PFKP: variants seen among roughly 807,000 people sequenced by gnomAD.
PFKP encodes the protein ATP-dependent 6-phosphofructokinase, platelet type.
Under a neutral mutation model 94.3 loss-of-function variants are expected in PFKP, and 101 were observed. That is an observed-to-expected ratio of 1.07 (90% CI 0.91 to 1.26). The LOEUF (loss-of-function observed/expected upper bound fraction) is 1.26, where lower values mean the gene tolerates loss of function less well. Ranked by LOEUF, PFKP falls within the 50% of genes most tolerant of loss-of-function variation. The pLI, the probability that PFKP is intolerant of heterozygous loss-of-function variation, is 0.00. For missense variants in PFKP, 1,145 were observed against 1,103.3 expected, an observed-to-expected ratio of 1.04 and a Z score of -0.53; for synonymous variants, 573 against 432.6, an observed-to-expected ratio of 1.32 and a Z score of -4.03.
intron 7 of PFKP, 115 bp downstream of exon 7, chr10:3,105,616 T>A: frequency 2.8e-6 from 2 of 716,154 alleles, no homozygotes; most frequent in Non-Finnish European, 5.0e-6. Context: ...GTCTCCAGTT[T>A]GTCACACTTT....
chr10:3,106,211 A>G (rs61835146), intron 7 of PFKP, among the ~76,000 whole-genome samples: 40,401 of 142,372 alleles, frequency 0.28, 7,584 homozygotes, highest in Non-Finnish European at 0.38. Context: ...GGCAGAAAGC[A>G]TGGCGTGCAC....
chr10:3,098,009 AAAAAT>A lies in PFKP; in HGVS notation c.187-1252_187-1248del, dbSNP rs567216011. ...GGGCAACAGAGCAAGACTCTGTCTCAAAAATAAAATAAAATAAACACACATATATA... is the reference window on the plus strand; with the variant it reads ...GGGCAACAGAGCAAGACTCTGTCTCAAAAATAAAATAAACACACATATATA... On this transcript the variant is annotated intron_variant, in intron 2 of 21. Coordinates refer to ENST00000381125, the MANE Select transcript of PFKP (RefSeq NM_002627.5). Among the ~76,000 whole-genome samples the A allele has an allele frequency of 5.9e-3, 893 of 151,766 alleles. 11 individuals are homozygous for A. Among genetic ancestry groups the A allele is most frequent in the African/African-American group, 0.019 (798 of 41,004 alleles).
chr10:3,083,379 T>A (rs1833239247), intron 2 of PFKP, among the ~76,000 whole-genome samples: 1 of 148,350 alleles, frequency 6.7e-6, no homozygotes, highest in Admixed American at 6.8e-5. Flanking sequence ...TTTCAGAAAT[T>A]ATTAGGAAAA....
At chr10:3,076,038 A>T (rs1832560726) in intron 1 of PFKP, among the ~76,000 whole-genome samples, 2 of 140,748 alleles carry the variant, frequency 1.4e-5, no homozygotes. Flanking sequence ...AAAAAAAAAA[A>T]AAGTAAAAAC....
intron 1 of PFKP, among the ~76,000 whole-genome samples, chr10:3,080,654 G>GCT (rs1832997918): frequency 6.6e-6 from 1 of 152,060 alleles, no homozygotes; most frequent in Non-Finnish European, 1.5e-5. Flanking sequence ...CCCATACCCA[G>GCT]CTCTCCAACG....
In PFKP at chr10:3,069,547, C is replaced by T. The variant is rs542300234; in HGVS notation, c.112+1840C>T. Among the ~76,000 whole-genome samples, 80 of 152,150 alleles carry T rather than the reference C, an allele frequency of 5.3e-4. 1 individual carries two copies. The highest frequency in any genetic ancestry group is 2.7e-3 in the Admixed American group (42 of 15,292). On this transcript the variant is annotated intron_variant, in intron 1 of 21. Coordinates refer to ENST00000381125, the MANE Select transcript of PFKP (RefSeq NM_002627.5). ...AGAGGAACTGATCTCTGGAAGCCAC[C>T]AGGGCGGGTGGAAAGTCAGGGTTTC...
intron 1 of PFKP, chr10:3,070,174 A>T (rs975639560): frequency 6.6e-6 from 1 of 152,238 alleles, no homozygotes; most frequent in African/African-American, 2.4e-5. Context: ...ATTTTTTTGT[A>T]GACTCTGTAA....
intron 2 of PFKP, among the ~76,000 whole-genome samples, chr10:3,090,630 G>A (rs373330208): frequency 2.0e-5 from 3 of 151,930 alleles, no homozygotes; most frequent in East Asian, 3.9e-4. Context: ...ATGGCATCTG[G>A]GGTGGGCAAT....
rs559730626 is a variant in PFKP, at chr10:3,119,551, G to A, written c.1531-341G>A. The stretch of plus-strand genomic sequence containing the variant: ...ACCCGGGAGGCGGAGGTTGCAGTGA[G>A]ACGAGATTGCACCACCTCACTCCAG... On this transcript the variant is annotated intron_variant, in intron 15 of 21. Transcript: ENST00000381125. 9.2e-5 allele frequency among the ~76,000 whole-genome samples: 14 copies of A among 152,274 alleles called. 1 individual carries two copies. The highest frequency in any genetic ancestry group is 3.4e-3 in the Middle Eastern group (1 of 294).
chr10:3,084,102 G>A (rs1199225057), intron 2 of PFKP, among the ~76,000 whole-genome samples: 1 of 152,164 alleles, frequency 6.6e-6, no homozygotes, highest in African/African-American at 2.4e-5. Flanking sequence ...AATATTCAAA[G>A]CGATTTGATG....
chr10:3,125,440 T>C (rs1837848341), intron 16 of PFKP, among the ~76,000 whole-genome samples: 1 of 152,130 alleles, frequency 6.6e-6, no homozygotes, highest in South Asian at 2.1e-4. Flanking sequence ...CTGTCTTTAT[T>C]GATTAAAAGT....
At chr10:3,119,613 AAAACAAAAAC>A (rs1415399260) in intron 15 of PFKP, among the ~76,000 whole-genome samples, 2 of 152,124 alleles carry the variant, frequency 1.3e-5, no homozygotes, top group African/African-American at 4.8e-5. Context: ...TCAAAAAACA[AAAACAAAAAC>A]AAAGTAAGAA....
At chr10:3,125,065 C>A in intron 16 of PFKP, 1 of 1,200,034 alleles carries the variant, frequency 8.3e-7, no homozygotes, top group Non-Finnish European at 1.1e-6. Flanking sequence ...GCACCCGGCA[C>A]CCCCGCTAAC....
intron 2 of PFKP, among the ~76,000 whole-genome samples, chr10:3,087,716 TGAG>T (rs2131457233): frequency 6.6e-6 from 1 of 152,298 alleles, no homozygotes; most frequent in African/African-American, 2.4e-5. Flanking sequence ...TCAGCTCATT[TGAG>T]CCCAAATTTC....
chr10:3,100,782 T>TTTC, intron 3 of PFKP: 1 of 581,364 alleles, frequency 1.7e-6, no homozygotes, highest in East Asian at 2.7e-5. Context: ...AATCATGATC[T>TTTC]ATGTCCCCTG....
rs367966823 is a variant in PFKP, at chr10:3,101,373, G to A, written c.273G>A (p.Thr91=). ...SVSSILQVGG[T]IIGSARCQAF... is the part of the protein sequence containing the mutation. ...GCTGGTGTCTTTCCCAGGGCGGGAC[G>A]ATCATTGGCAGTGCGCGGTGCCAGG... Residue 91 remains threonine (T), a synonymous_variant, in exon 4 of 22, where the codon ACG becomes ACA. Coordinates refer to ENST00000381125, the MANE Select transcript of PFKP (RefSeq NM_002627.5). The A allele has an allele frequency of 1.1e-5, 17 of 1,586,930 alleles. No homozygotes were observed. Among genetic ancestry groups the A allele is most frequent in the African/African-American group, 4.0e-5 (3 of 74,328 alleles).
intron 4 of PFKP, 96 bp from the exon 5 acceptor site, chr10:3,103,683 T>C (rs1464561043): frequency 1.7e-6 from 2 of 1,199,042 alleles, no homozygotes. Context: ...ATGGTTGATT[T>C]CTCTACCCAT....
intron 15 of PFKP, 91 bp downstream of exon 15, chr10:3,118,960 C>T (rs962349336): frequency 2.5e-5 from 22 of 887,356 alleles, no homozygotes; most frequent in Admixed American, 2.0e-4. Flanking sequence ...CTACTGGCCA[C>T]GATCCGAGAT....
intron 1 of PFKP, among the ~76,000 whole-genome samples, chr10:3,073,666 C>A (rs773951154): frequency 6.7e-6 from 1 of 149,636 alleles, no homozygotes; most frequent in Admixed American, 6.6e-5. Flanking sequence ...TAATATAGGA[C>A]CCCTTGTCTA....
Sources: gnomAD v4.1 joint callset for allele counts (sites outside exome capture counted in the v4.1 genomes callset) on GRCh38, gnomAD v4.1.1 for gene constraint, MANE v1.5 for transcripts, NCBI Gene and HGNC (gene_info 2026-07-23, HGNC 2026-07-21) for gene names.